CHN2: variants seen among roughly 807,000 people sequenced by gnomAD.
CHN2 encodes the protein beta-chimaerin.
Under a neutral mutation model 56.3 loss-of-function variants are expected in CHN2, and 35 were observed. The ratio of observed to expected loss-of-function variants is 0.62; its 90% CI spans 0.47 to 0.82. The LOEUF (loss-of-function observed/expected upper bound fraction) is 0.82, where lower values mean the gene tolerates loss of function less well. CHN2 is among the 40% of genes least tolerant of loss of function. The probability of loss-of-function intolerance (pLI) is 0.00; values close to 1 mark genes in which losing one functional copy is unlikely to be tolerated. For missense variants in CHN2, 491 were observed against 580.5 expected (o/e 0.85, Z 1.58); for synonymous variants, 210 against 212.8 (o/e 0.99, Z 0.12).
At chr7:29,393,883 A>G (rs1801537761) in intron 4 of CHN2, among the ~76,000 whole-genome samples, 173 bp downstream of exon 4, 1 of 152,168 alleles carries the variant, frequency 6.6e-6, no homozygotes, top group Admixed American at 6.5e-5. Context: ...TATAGTAGTC[A>G]AGTGCTTGGT....
intron 1 of CHN2, among the ~76,000 whole-genome samples, chr7:29,352,769 CA>C (rs956818389): frequency 6.6e-6 from 1 of 152,100 alleles, no homozygotes; most frequent in Non-Finnish European, 1.5e-5. Flanking sequence ...ACAAAAACGT[CA>C]GAAATGCCTG....
chr7:29,410,448 T>G (rs993512630), intron 6 of CHN2, among the ~76,000 whole-genome samples: 1 of 151,378 alleles, frequency 6.6e-6, no homozygotes, highest in African/African-American at 2.4e-5. Flanking sequence ...TGATTAAAGG[T>G]TTTTTTTTAA....
intron 1 of CHN2, among the ~76,000 whole-genome samples, chr7:29,207,187 T>C (rs1562830662): frequency 6.6e-6 from 1 of 152,218 alleles, no homozygotes; most frequent in Non-Finnish European, 1.5e-5. Context: ...GAATCAGTCA[T>C]AACGTGAGCA....
intron 2 of CHN2, among the ~76,000 whole-genome samples, chr7:29,178,999 T>C (rs980521408): frequency 1.6e-4 from 24 of 152,098 alleles, no homozygotes. Context: ...TTGCACCTCC[T>C]CAGTTATGGT....
Position 29,155,329 on chromosome 7 carries a change from C to T in CHN2, c.274+8369C>T, listed in dbSNP as rs180701954. Among the ~76,000 whole-genome samples the T allele has an allele frequency of 3.9e-5, 6 of 152,222 alleles. No homozygotes were observed. In the East Asian group the frequency reaches 9.6e-4, roughly 24 times the overall value. On this transcript the variant is annotated intron_variant, in intron 2 of 6. Transcript: ENST00000439384. ...CAAAAATAAATAAATAGAACTCTTT[C>T]CAATGCTAAGAGGAAAGACAAGGCT...
intron 7 of CHN2, among the ~76,000 whole-genome samples, chr7:29,483,354 C>T (rs540033647): frequency 1.1e-3 from 164 of 152,306 alleles, no homozygotes; most frequent in African/African-American, 3.9e-3. Context: ...ACTGCCTTTG[C>T]TTCTCAAACA....
At chr7:29,198,019 G>A in intron 1 of CHN2, 1 of 456,256 alleles carries the variant, frequency 2.2e-6, no homozygotes, top group Non-Finnish European at 4.4e-6. Flanking sequence ...TTCTTTCTTG[G>A]GAAAGTTATG....
chr7:29,420,141 G>A (rs1490481103), intron 6 of CHN2, among the ~76,000 whole-genome samples: 1 of 152,116 alleles, frequency 6.6e-6, no homozygotes, highest in African/African-American at 2.4e-5. Context: ...TATGGATGTG[G>A]AGAAATTGGA....
intron 1 of CHN2, among the ~76,000 whole-genome samples, chr7:29,285,229 C>T (rs961262744): frequency 6.6e-6 from 1 of 152,200 alleles, no homozygotes; most frequent in Non-Finnish European, 1.5e-5. Flanking sequence ...ATCTGGCTCA[C>T]CGTAATTCCC....
chr7:29,153,130 A>G (rs12700939), intron 2 of CHN2, among the ~76,000 whole-genome samples: 51,141 of 152,078 alleles, frequency 0.34, 8,844 homozygotes, highest in Non-Finnish European at 0.38. Flanking sequence ...CTAGGTTGCT[A>G]TCAAGGTATA....
intron 2 of CHN2, among the ~76,000 whole-genome samples, chr7:29,166,751 T>C (rs1795973737): frequency 1.3e-5 from 2 of 152,160 alleles, no homozygotes; most frequent in South Asian, 4.1e-4. Flanking sequence ...TTTCTATTTT[T>C]TTCTTGATGA....
chr7:29,161,795 T>C (rs1161008078), intron 2 of CHN2, among the ~76,000 whole-genome samples: 1 of 152,238 alleles, frequency 6.6e-6, no homozygotes. Context: ...AAGATTTATC[T>C]ATAGAATATA....
chr7:29,502,281 A>C (rs909126975), intron 9 of CHN2, among the ~76,000 whole-genome samples: 5 of 152,112 alleles, frequency 3.3e-5, no homozygotes, highest in African/African-American at 2.4e-5. Flanking sequence ...CGTGGCAGGA[A>C]CCCAGGCACT....
intron 1 of CHN2, among the ~76,000 whole-genome samples, chr7:29,287,847 G>A (rs1307792880): frequency 1.3e-5 from 2 of 152,124 alleles, no homozygotes; most frequent in Non-Finnish European, 2.9e-5. Context: ...GTCCAGCAAT[G>A]AGCAAGGTCT....
At chr7:29,355,400 G>A (rs908723925) in intron 2 of CHN2, among the ~76,000 whole-genome samples, 14 of 152,146 alleles carry the variant, frequency 9.2e-5, no homozygotes, top group South Asian at 2.1e-4. Flanking sequence ...TGAACAGATA[G>A]CGAAGAACCT....
intron 6 of CHN2, among the ~76,000 whole-genome samples, chr7:29,423,606 C>CT (rs1486192899): frequency 6.6e-6 from 1 of 152,256 alleles, no homozygotes; most frequent in East Asian, 1.9e-4. Flanking sequence ...AAATCTCAGG[C>CT]TAAAACTGGA....
intron 3 of CHN2, among the ~76,000 whole-genome samples, chr7:29,368,793 A>G (rs1444061975): frequency 6.6e-6 from 1 of 152,138 alleles, no homozygotes; most frequent in Non-Finnish European, 1.5e-5. Context: ...GCATACCCAT[A>G]CTCAGAGCCA....
At chr7:29,369,767 A>AGGGT (rs1562553426) in intron 3 of CHN2, among the ~76,000 whole-genome samples, 2 of 152,166 alleles carry the variant, frequency 1.3e-5, no homozygotes, top group Non-Finnish European at 2.9e-5. Context: ...CAGCGGGCTG[A>AGGGT]GGGTCCACTG....
chr7:29,245,786 T>G (rs1346419594), intron 1 of CHN2, among the ~76,000 whole-genome samples: 1 of 152,032 alleles, frequency 6.6e-6, no homozygotes, highest in Non-Finnish European at 1.5e-5. Context: ...CTCACGACTT[T>G]CACATTTCCA....
Sources: gnomAD v4.1 joint callset for allele counts (sites outside exome capture counted in the v4.1 genomes callset) on GRCh38, gnomAD v4.1.1 for gene constraint, MANE v1.5 for transcripts, NCBI Gene and HGNC (gene_info 2026-07-23, HGNC 2026-07-21) for gene names.